PARD3B: variants seen among roughly 807,000 people sequenced by gnomAD.
PARD3B encodes the protein par-3 family cell polarity regulator beta, also known as partitioning defective 3 homolog B.
A neutral mutation model predicts 130.2 loss-of-function variants in PARD3B; 103 were observed. That is an observed-to-expected ratio of 0.79 (90% CI 0.67 to 0.93). The LOEUF (loss-of-function observed/expected upper bound fraction) is 0.93. Among genes scored for constraint, PARD3B ranks in the 40% least tolerant of loss-of-function variants. The pLI is 0.00. For missense variants in PARD3B, 1,609 were observed against 1,499.2 expected (o/e 1.07, Z -1.21); for synonymous variants, 583 against 553.2 (o/e 1.05, Z -0.76).
intron 4 of PARD3B, among the ~76,000 whole-genome samples, chr2:205,060,908 G>A (rs374299375): frequency 2.6e-5 from 4 of 152,212 alleles, no homozygotes; most frequent in African/African-American, 9.6e-5. Context: ...ACCCATGCAT[G>A]GTTCTACTCT....
At chr2:205,596,939 C>T (rs866589160) in intron 22 of PARD3B, among the ~76,000 whole-genome samples, 2 of 152,108 alleles carry the variant, frequency 1.3e-5, no homozygotes, top group South Asian at 4.1e-4. Context: ...ATCCTTCCTA[C>T]CCAGAAGCAA....
At chr2:205,498,149 A>G (rs1409320537) in intron 20 of PARD3B, among the ~76,000 whole-genome samples, 2 of 149,184 alleles carry the variant, frequency 1.3e-5, no homozygotes, top group Non-Finnish European at 3.0e-5. Context: ...GCAGTGAGCC[A>G]AGATCGCACC....
intron 2 of PARD3B, among the ~76,000 whole-genome samples, chr2:204,775,183 G>C (rs978619193): frequency 6.6e-6 from 1 of 151,908 alleles, no homozygotes; most frequent in Non-Finnish European, 1.5e-5. Context: ...TCGTAAATAC[G>C]GATAAAAAAA....
intron 3 of PARD3B, among the ~76,000 whole-genome samples, chr2:204,998,358 A>ATATATATATATGTGTG (rs1400529301): frequency 1.4e-5 from 1 of 69,872 alleles, no homozygotes; most frequent in African/African-American, 6.8e-5. Context: ...ATATATATAT[A>ATATATATATATGTGTG]TGTGTGTGTG....
Position 205,398,316 on chromosome 2 carries a change from G to GA in PARD3B, c.2631-2694dup, listed in dbSNP as rs1177930434. Among the ~76,000 whole-genome samples, 15 of 151,892 alleles carry GA rather than the reference G, an allele frequency of 9.9e-5. No homozygotes were observed. In the East Asian group the frequency reaches 2.7e-3, roughly 27 times the overall value. On this transcript the variant is annotated intron_variant, in intron 18 of 22. Transcript: ENST00000406610. ...AACAACGTCTCAACAAAAAAAGAAAGAAAGTTCTTATATTTTTGTCTGTAT... is the reference window on the plus strand; with the variant it reads ...AACAACGTCTCAACAAAAAAAGAAAGAAAAGTTCTTATATTTTTGTCTGTAT...
At chr2:204,576,075 A>AG (rs1454818443) in intron 1 of PARD3B, among the ~76,000 whole-genome samples, 73 of 152,176 alleles carry the variant, frequency 4.8e-4, no homozygotes, top group African/African-American at 1.7e-3. Context: ...AATCTCCCTT[A>AG]TTTTAGAGTT....
At chr2:205,379,894 C>A (rs1257885434) in intron 18 of PARD3B, among the ~76,000 whole-genome samples, 2 of 150,896 alleles carry the variant, frequency 1.3e-5, no homozygotes, top group African/African-American at 2.4e-5. Flanking sequence ...ATGGTGAAAC[C>A]CCGTGTCTAC....
chr2:205,077,631 T>A (rs1313863860), intron 4 of PARD3B, among the ~76,000 whole-genome samples: 1 of 152,112 alleles, frequency 6.6e-6, no homozygotes, highest in Admixed American at 6.6e-5. Context: ...TAATGAAATA[T>A]TATATGATTC....
intron 2 of PARD3B, among the ~76,000 whole-genome samples, chr2:204,711,726 T>G (rs2038445239): frequency 1.3e-5 from 2 of 152,046 alleles, no homozygotes; most frequent in Non-Finnish European, 2.9e-5. Flanking sequence ...TTTTCTATTT[T>G]CAGTAGAGAT....
intron 2 of PARD3B, among the ~76,000 whole-genome samples, chr2:204,718,246 C>T (rs529702056): frequency 2.6e-5 from 4 of 152,106 alleles, no homozygotes; most frequent in Admixed American, 6.5e-5. Context: ...CCCTCCTCCC[C>T]ATGATGCATT....
chr2:204,554,250 C>T (rs1006899009), intron 1 of PARD3B, among the ~76,000 whole-genome samples: 2 of 151,960 alleles, frequency 1.3e-5, no homozygotes, highest in Non-Finnish European at 2.9e-5. Flanking sequence ...TTCCAAATAC[C>T]ACTGGGGTAG....
At chr2:204,823,153 C>T (rs1446822220) in intron 2 of PARD3B, among the ~76,000 whole-genome samples, 2 of 151,978 alleles carry the variant, frequency 1.3e-5, no homozygotes, top group East Asian at 3.9e-4. Context: ...CTTACTTTAA[C>T]TGATTGATTG....
intron 18 of PARD3B, among the ~76,000 whole-genome samples, chr2:205,355,639 G>A (rs2044163988): frequency 6.6e-6 from 1 of 152,152 alleles, no homozygotes; most frequent in South Asian, 2.1e-4. Context: ...TGTGGGTGAA[G>A]ATATTGGTTT....
rs575411289 is a variant in PARD3B, at chr2:204,944,100, C to T, written c.223-21052C>T. Reference sequence around the variant, plus strand: ...AACACTCCAGAAAGAATGAAAGAAACTGGTGGCACAAATTCAAAATGAAGT... The same window carrying T: ...AACACTCCAGAAAGAATGAAAGAAATTGGTGGCACAAATTCAAAATGAAGT... On this transcript the variant is annotated intron_variant, in intron 2 of 22. Transcript: ENST00000406610. Among the ~76,000 whole-genome samples, 5 of 152,242 alleles carry T rather than the reference C, an allele frequency of 3.3e-5. No homozygotes were observed. The South Asian group carries it at 1.0e-3, about 32-fold the overall frequency.
At chr2:205,353,051 G>T (rs1238794830) in intron 18 of PARD3B, among the ~76,000 whole-genome samples, 3 of 152,146 alleles carry the variant, frequency 2.0e-5, no homozygotes, top group Admixed American at 6.5e-5. Context: ...GATTTGTCTA[G>T]ACTAACATCC....
intron 3 of PARD3B, among the ~76,000 whole-genome samples, chr2:205,017,672 C>T (rs1559358795): frequency 6.6e-6 from 1 of 152,138 alleles, no homozygotes; most frequent in Non-Finnish European, 1.5e-5. Flanking sequence ...CTTCCCTCAC[C>T]TTCACCCATG....
chr2:204,716,757 G>A (rs2038749723), intron 2 of PARD3B, among the ~76,000 whole-genome samples: 4 of 151,610 alleles, frequency 2.6e-5, no homozygotes, highest in Admixed American at 2.6e-4. Context: ...TGAGTAGCTG[G>A]GACCACAGGC....
chr2:205,516,595 T>C (rs1347264196), intron 21 of PARD3B, among the ~76,000 whole-genome samples: 2 of 152,212 alleles, frequency 1.3e-5, no homozygotes, highest in Non-Finnish European at 2.9e-5. Context: ...CATAAAGGAA[T>C]GCTAGTGATT....
chr2:204,560,056 G>T (rs2031210402), intron 1 of PARD3B, among the ~76,000 whole-genome samples: 1 of 151,654 alleles, frequency 6.6e-6, no homozygotes, highest in Non-Finnish European at 1.5e-5. Flanking sequence ...GGGGTCTGGG[G>T]AGGGATAGCA....
Sources: gnomAD v4.1 joint callset for allele counts (sites outside exome capture counted in the v4.1 genomes callset) on GRCh38, gnomAD v4.1.1 for gene constraint, MANE v1.5 for transcripts, NCBI Gene and HGNC (gene_info 2026-07-23, HGNC 2026-07-21) for gene names.